Variants in FRMD4A observed in about 807,000 individuals in gnomAD.
The protein encoded by FRMD4A is FERM domain-containing protein 4A.
In FRMD4A, 29 loss-of-function variants were observed where a neutral mutation model predicts 129.1. The ratio of observed to expected loss-of-function variants is 0.22; its 90% CI spans 0.17 to 0.31. The LOEUF (loss-of-function observed/expected upper bound fraction) is 0.31. Ranked by LOEUF, FRMD4A falls within the 10% of genes least tolerant of loss-of-function variation. The pLI is 1.00. For synonymous variants in FRMD4A, 634 were observed against 571.6 expected, an observed-to-expected ratio of 1.11 and a Z score of -1.56; for missense variants, 1,272 against 1,375.8, an observed-to-expected ratio of 0.92 and a Z score of 1.19.
chr10:13,699,856 G>A (rs1454812486), intron 14 of FRMD4A, among the ~76,000 whole-genome samples: 2 of 152,090 alleles, frequency 1.3e-5, no homozygotes, highest in Non-Finnish European at 2.9e-5. Context: ...TGATCTAATC[G>A]AGCTTCAAAT....
intron 2 of FRMD4A, among the ~76,000 whole-genome samples, chr10:13,909,519 C>A (rs569973190): frequency 2.6e-4 from 40 of 152,242 alleles, no homozygotes; most frequent in African/African-American, 8.7e-4. Context: ...CATAAGATAA[C>A]CACAAATGAA....
At chr10:14,230,058 G>A (rs1025272248) in intron 2 of FRMD4A, among the ~76,000 whole-genome samples, 1 of 152,124 alleles carries the variant, frequency 6.6e-6, no homozygotes, top group African/African-American at 2.4e-5. Flanking sequence ...AACTGCACAG[G>A]GAGCTTCTTA....
intron 21 of FRMD4A, 48 bp downstream of exon 21, chr10:13,659,275 T>A: frequency 6.4e-7 from 1 of 1,568,832 alleles, no homozygotes; most frequent in Non-Finnish European, 8.8e-7. Flanking sequence ...CAATGCCCAA[T>A]TTTAAAAAGG....
At chr10:14,283,679 G>C (rs927704315) in intron 2 of FRMD4A, among the ~76,000 whole-genome samples, 4 of 152,076 alleles carry the variant, frequency 2.6e-5, no homozygotes, top group Admixed American at 1.3e-4. Context: ...TGTAATGTTG[G>C]CCTTCACTTG....
At chr10:14,110,961 T>C (rs1050597998) in intron 2 of FRMD4A, among the ~76,000 whole-genome samples, 7 of 152,184 alleles carry the variant, frequency 4.6e-5, no homozygotes, top group Admixed American at 3.3e-4. Flanking sequence ...CCCAAGTATC[T>C]GGGACTAAAG....
At chr10:14,154,470 T>C (rs990480734) in intron 2 of FRMD4A, among the ~76,000 whole-genome samples, 1 of 152,216 alleles carries the variant, frequency 6.6e-6, no homozygotes, top group African/African-American at 2.4e-5. Flanking sequence ...AGACCCCCAG[T>C]GCTGGCTTAA....
At chr10:13,707,269 CACAT>C in intron 12 of FRMD4A, 156 bp from the exon 13 acceptor site, 3 of 787,428 alleles carry the variant, frequency 3.8e-6, no homozygotes, top group East Asian at 2.7e-5. Flanking sequence ...CACACACACA[CACAT>C]ACACACACAC....
intron 2 of FRMD4A, among the ~76,000 whole-genome samples, chr10:13,879,758 C>T (rs1384223205): frequency 1.4e-4 from 19 of 131,142 alleles, no homozygotes; most frequent in African/African-American, 4.9e-4. Flanking sequence ...CCCCCCTCCC[C>T]CTCCCCCTCC....
Position 14,176,558 on chromosome 10 carries a change from TC to T in FRMD4A, c.45+153499del, listed in dbSNP as rs1457425760. On this transcript the variant is annotated intron_variant, in intron 2 of 24. Transcript: ENST00000357447. ...GGCGCAATCTCAGCTCACTGCTATC[TC>T]CGCCTCCCAGGTTCATGTGATTCTT... is the stretch of plus-strand genomic sequence containing the variant. Among the ~76,000 whole-genome samples the T allele has an allele frequency of 6.4e-5, 9 of 140,316 alleles. No homozygotes were observed. The Admixed American group carries it at 6.9e-4, about 11-fold the overall frequency. The allele number at this position is 140,316 out of a possible 152,430, so 92.1% of individuals were successfully genotyped here.
At chr10:14,054,866 T>C (rs10906586) in intron 2 of FRMD4A, among the ~76,000 whole-genome samples, 72,599 of 151,660 alleles carry the variant, frequency 0.48, 17,962 homozygotes, top group Middle Eastern at 0.59. Flanking sequence ...AGTTTTTGCT[T>C]TTGCCTGCCA....
At chr10:14,089,238 C>A (rs1836487910) in intron 2 of FRMD4A, among the ~76,000 whole-genome samples, 1 of 152,212 alleles carries the variant, frequency 6.6e-6, no homozygotes, top group Non-Finnish European at 1.5e-5. Context: ...GGCGCTGGTT[C>A]TCTCTGGAGG....
intron 2 of FRMD4A, among the ~76,000 whole-genome samples, chr10:14,209,620 C>A (rs1842881222): frequency 1.3e-5 from 2 of 151,218 alleles, no homozygotes; most frequent in African/African-American, 4.9e-5. Flanking sequence ...ACTCGGGAGG[C>A]TGAGGCAGGA....
chr10:14,202,150 A>G (rs953419573), intron 2 of FRMD4A, among the ~76,000 whole-genome samples: 2 of 151,936 alleles, frequency 1.3e-5, no homozygotes, highest in African/African-American at 2.4e-5. Flanking sequence ...GAAAAAAAAA[A>G]AAATTCACGT....
intron 2 of FRMD4A, among the ~76,000 whole-genome samples, chr10:14,038,318 G>T (rs984763044): frequency 2.0e-5 from 3 of 152,074 alleles, no homozygotes; most frequent in African/African-American, 7.2e-5. Context: ...GCGAGACTCC[G>T]TCTCAAAATA....
intron 2 of FRMD4A, among the ~76,000 whole-genome samples, chr10:14,004,103 G>A (rs1376173262): frequency 1.3e-5 from 2 of 152,204 alleles, no homozygotes; most frequent in Admixed American, 1.3e-4. Flanking sequence ...TTTTCCACGT[G>A]TCTTACATAA....
intron 2 of FRMD4A, among the ~76,000 whole-genome samples, chr10:13,926,991 C>T (rs565807121): frequency 3.2e-4 from 48 of 152,248 alleles, no homozygotes; most frequent in Non-Finnish European, 6.2e-4. Context: ...TGGTGGCTCA[C>T]GTCTATAATC....
intron 14 of FRMD4A, among the ~76,000 whole-genome samples, chr10:13,697,152 A>ATT (rs11309575): frequency 0.017 from 2,266 of 136,518 alleles, 43 homozygotes; most frequent in East Asian, 0.077. Context: ...AAACTACTGG[A>ATT]TTTTTTTTTT....
intron 2 of FRMD4A, among the ~76,000 whole-genome samples, chr10:13,893,687 A>C (rs1313936997): frequency 1.3e-5 from 2 of 151,906 alleles, no homozygotes; most frequent in Non-Finnish European, 2.9e-5. Context: ...ATGCCCGGCT[A>C]ATTTTTTAGT....
chr10:13,825,148 C>CTTTTTT (rs2093683014), intron 3 of FRMD4A, among the ~76,000 whole-genome samples: 1 of 152,154 alleles, frequency 6.6e-6, no homozygotes, highest in Non-Finnish European at 1.5e-5. Flanking sequence ...AAGAGATTAA[C>CTTTTTT]AACCATAACC....
Sources: allele counts gnomAD v4.1 joint callset (sites outside exome capture counted in the v4.1 genomes callset), GRCh38; gene constraint gnomAD v4.1.1; transcripts MANE v1.5; gene names NCBI Gene and HGNC (gene_info 2026-07-23, HGNC 2026-07-21).